Variants in PCLO observed in about 807,000 individuals in gnomAD.
The protein encoded by PCLO is protein piccolo.
A neutral mutation model predicts 427.5 loss-of-function variants in PCLO; 82 were observed. That is an observed-to-expected ratio of 0.19 (90% CI 0.16 to 0.23). The LOEUF (loss-of-function observed/expected upper bound fraction) is 0.23. PCLO is among the 10% of genes least tolerant of loss of function. The pLI is 1.00. For missense variants in PCLO, 6,239 were observed against 6,115.9 expected (o/e 1.02, Z -0.67); for synonymous variants, 2,357 against 2,155.4 (o/e 1.09, Z -2.59).
chr7:83,070,296 G>C (rs149315859), intron 3 of PCLO, among the ~76,000 whole-genome samples: 1 of 152,158 alleles, frequency 6.6e-6, no homozygotes, highest in East Asian at 1.9e-4. Flanking sequence ...GCAACCTCAC[G>C]AGGGACCTAG....
At chr7:83,105,939 G>A (rs895752651) in intron 3 of PCLO, among the ~76,000 whole-genome samples, 2 of 122,750 alleles carry the variant, frequency 1.6e-5, no homozygotes, top group Non-Finnish European at 3.4e-5. Context: ...AAATGGGCAA[G>A]AAAGGTTTGT....
intron 6 of PCLO, among the ~76,000 whole-genome samples, chr7:82,929,668 A>C (rs1020663767): frequency 1.3e-5 from 2 of 152,062 alleles, no homozygotes; most frequent in Admixed American, 6.6e-5. Context: ...TCCTTGATAC[A>C]CTCATATATT....
intron 22 of PCLO, among the ~76,000 whole-genome samples, chr7:82,801,127 A>C (rs996624286): frequency 4.8e-5 from 7 of 146,218 alleles, no homozygotes; most frequent in Admixed American, 7.1e-5. Flanking sequence ...CGTATATTTA[A>C]GAATTTCTAT....
Position 82,953,588 on chromosome 7 carries a change from C to T in PCLO, c.7365G>A (p.Leu2455=). Residue 2455 remains leucine, a synonymous_variant, in exon 5 of 25, where the codon CTG becomes CTA. Transcript: ENST00000333891. ...VASPVTTATP[L]FDAVTTLETT... is the part of the protein sequence containing the mutation. ...TCTCTAGAGTAGTAACAGCATCAAA[C>T]AGAGGTGTAGCTGTAGTCACTGGAG... The T allele has an allele frequency of 6.2e-7, 1 of 1,612,054 alleles. No homozygotes were observed. Among genetic ancestry groups the T allele is most frequent in the African/African-American group, 1.3e-5 (1 of 74,594 alleles).
intron 9 of PCLO, among the ~76,000 whole-genome samples, chr7:82,895,033 A>G (rs1055404881): frequency 6.6e-6 from 1 of 152,056 alleles, no homozygotes; most frequent in African/African-American, 2.4e-5. Flanking sequence ...CAGACTCACA[A>G]ATTGCTTGTG....
intron 3 of PCLO, among the ~76,000 whole-genome samples, chr7:83,113,580 A>C (rs1444601723): frequency 2.6e-5 from 4 of 152,192 alleles, no homozygotes; most frequent in Admixed American, 1.3e-4. Context: ...ATTCCAGTTT[A>C]CTTTATTCAG....
rs182083781 is a variant in PCLO at position 82,885,075 on chromosome 7, G to A, written c.13529-5613C>T. Reference sequence around the variant, plus strand: ...GCCACTTCCTGGTATATTCCCTTCCGTTTGAGTGAAGGCAGAACTTGTGAC... The same window carrying A: ...GCCACTTCCTGGTATATTCCCTTCCATTTGAGTGAAGGCAGAACTTGTGAC... On this transcript the variant is annotated intron_variant, in intron 9 of 24. Coordinates refer to ENST00000333891, the MANE Select transcript of PCLO (RefSeq NM_033026.6). Among the ~76,000 whole-genome samples the A allele has an allele frequency of 1.1e-3, 174 of 152,198 alleles. 1 individual carries two copies. The highest frequency in any genetic ancestry group is 4.1e-3 in the African/African-American group (170 of 41,524).
chr7:83,006,575 A>C (rs2115959226), intron 3 of PCLO, among the ~76,000 whole-genome samples: 1 of 151,076 alleles, frequency 6.6e-6, no homozygotes, highest in African/African-American at 2.4e-5. Context: ...GAAATACAGT[A>C]AAAAAAAATT....
Position 83,015,624 on chromosome 7 carries a change from T to C in PCLO, c.3301-49137A>G, listed in dbSNP as rs1489759400. ...ATGGCATATAATCTAAAACAAATTA[T>C]CATTACAACTTTTTATTGTGAAAAC... On this transcript the variant is annotated intron_variant, in intron 3 of 24. Coordinates refer to ENST00000333891, the MANE Select transcript of PCLO (RefSeq NM_033026.6). Among the ~76,000 whole-genome samples the C allele has an allele frequency of 2.0e-5, 3 of 152,134 alleles. No homozygotes were observed. In the East Asian group the frequency reaches 5.8e-4, roughly 29 times the overall value.
intron 1 of PCLO, among the ~76,000 whole-genome samples, chr7:83,159,061 T>C (rs1792371426): frequency 6.6e-6 from 1 of 152,094 alleles, no homozygotes; most frequent in Non-Finnish European, 1.5e-5. Flanking sequence ...CACTTATCTT[T>C]GCATCATTAG....
At chr7:82,815,659 T>G (rs377220383) in intron 20 of PCLO, among the ~76,000 whole-genome samples, 305 of 152,236 alleles carry the variant, frequency 2.0e-3, no homozygotes, top group African/African-American at 7.1e-3. Flanking sequence ...TTCTTATACA[T>G]TTGGAAATAG....
intron 22 of PCLO, among the ~76,000 whole-genome samples, chr7:82,786,155 G>C (rs1031284122): frequency 6.6e-6 from 1 of 152,174 alleles, no homozygotes; most frequent in Admixed American, 6.5e-5. Flanking sequence ...AAAAAGGAAA[G>C]AGATTTAAGA....
chr7:82,968,656 A>G (rs1300592193), intron 3 of PCLO, among the ~76,000 whole-genome samples: 1 of 150,710 alleles, frequency 6.6e-6, no homozygotes, highest in Non-Finnish European at 1.5e-5. Context: ...AGTAGCTGGG[A>G]TTACAGGTAC....
intron 7 of PCLO, chr7:82,914,363 T>C: frequency 2.1e-6 from 1 of 469,054 alleles, no homozygotes; most frequent in Middle Eastern, 5.5e-4. Flanking sequence ...TGAAAAACTT[T>C]TCAACTATGG....
At chr7:83,024,106 G>C (rs1219187818) in intron 3 of PCLO, among the ~76,000 whole-genome samples, 1 of 152,204 alleles carries the variant, frequency 6.6e-6, no homozygotes, top group East Asian at 1.9e-4. Flanking sequence ...AAGGAGCCAA[G>C]ATGGCCGAAT....
intron 6 of PCLO, 22 bp downstream of exon 6, chr7:82,949,454 A>G (rs936391249): frequency 6.6e-7 from 1 of 1,523,086 alleles, no homozygotes; most frequent in African/African-American, 1.4e-5. Flanking sequence ...ATTGCCTTCC[A>G]ACTGAAAAGA....
chr7:82,781,208 G>A (rs1387535178), intron 22 of PCLO, among the ~76,000 whole-genome samples: 1 of 151,342 alleles, frequency 6.6e-6, no homozygotes, highest in African/African-American at 2.4e-5. Context: ...AAAAGATCAT[G>A]TTCCTGACAA....
intron 9 of PCLO, among the ~76,000 whole-genome samples, chr7:82,890,886 C>T (rs1056598254): frequency 1.1e-4 from 16 of 151,780 alleles, no homozygotes; most frequent in Non-Finnish European, 2.4e-4. Flanking sequence ...AAATAGAAAA[C>T]CTGTAAGTAC....
intron 3 of PCLO, among the ~76,000 whole-genome samples, chr7:83,111,803 T>C (rs997671282): frequency 1.3e-5 from 2 of 152,202 alleles, no homozygotes; most frequent in Admixed American, 6.5e-5. Flanking sequence ...AAAATTAACA[T>C]TGTTGCAGAA....
Sources: allele counts gnomAD v4.1 joint callset (sites outside exome capture counted in the v4.1 genomes callset), GRCh38; gene constraint gnomAD v4.1.1; transcripts MANE v1.5; gene names NCBI Gene and HGNC (gene_info 2026-07-23, HGNC 2026-07-21).